Variants in GLIS3 observed in about 807,000 individuals in gnomAD.
GLIS3 encodes the protein GLIS family zinc finger 3.
GLIS3 carries 53 observed loss-of-function variants against 78.6 expected under a neutral mutation model. That is an observed-to-expected ratio of 0.67 (90% CI 0.54 to 0.85). The LOEUF is 0.85. Ranked by LOEUF, GLIS3 falls within the 40% of genes least tolerant of loss-of-function variation. The probability of loss-of-function intolerance (pLI) is 0.00; values close to 1 mark genes in which losing one functional copy is unlikely to be tolerated. For synonymous variants in GLIS3, 684 were observed against 509.9 expected, an observed-to-expected ratio of 1.34 and a Z score of -4.60; for missense variants, 1,703 against 1,231.1, an observed-to-expected ratio of 1.38 and a Z score of -5.74.
the GLIS3 span, among the ~76,000 whole-genome samples, chr9:4,412,252 G>A: frequency 4.6e-5 from 7 of 152,208 alleles, no homozygotes; most frequent in Non-Finnish European, 1.0e-4. Context: ...TAAGTTGCGA[G>A]AGGTGAACAA....
At chr9:4,100,368 A>G (rs1830274162) in intron 4 of GLIS3, among the ~76,000 whole-genome samples, 1 of 152,222 alleles carries the variant, frequency 6.6e-6, no homozygotes, top group Non-Finnish European at 1.5e-5. Context: ...CATGAGAGAG[A>G]GTATTTGTAT....
intron 6 of GLIS3, among the ~76,000 whole-genome samples, chr9:3,905,598 T>C (rs574582622): frequency 6.6e-6 from 1 of 152,238 alleles, no homozygotes; most frequent in East Asian, 1.9e-4. Flanking sequence ...TCATCATTCC[T>C]CACCATTTGC....
chr9:3,952,776 G>C (rs1303167655), intron 4 of GLIS3, among the ~76,000 whole-genome samples: 1 of 151,862 alleles, frequency 6.6e-6, no homozygotes, highest in Non-Finnish European at 1.5e-5. Context: ...AATCTCCTTG[G>C]GAGCTCCTTA....
intron 1 of GLIS3, among the ~76,000 whole-genome samples, chr9:4,297,271 GT>G (rs1816619922): frequency 6.6e-6 from 1 of 152,206 alleles, no homozygotes; most frequent in African/African-American, 2.4e-5. Context: ...TTGTCTTGAG[GT>G]CATCTTCGAG....
At chr9:4,352,962 T>C (rs961567953), upstream of GLIS3, among the ~76,000 whole-genome samples, 1 of 152,164 alleles carries the variant, frequency 6.6e-6, no homozygotes, top group Non-Finnish European at 1.5e-5. Flanking sequence ...AGATATAGGG[T>C]CCTCTCGCTC....
chr9:4,467,955 G>C, the GLIS3 span, among the ~76,000 whole-genome samples: 1 of 152,176 alleles, frequency 6.6e-6, no homozygotes, highest in Non-Finnish European at 1.5e-5. Context: ...TGACCTGATG[G>C]AGCTGAAATT....
the GLIS3 span, among the ~76,000 whole-genome samples, chr9:4,407,268 C>T: frequency 1.9e-4 from 29 of 152,356 alleles, no homozygotes; most frequent in East Asian, 7.7e-4. Context: ...AGACCCTTAT[C>T]TCTCACCATA....
At chr9:3,926,531 G>A (rs548430255) in intron 6 of GLIS3, among the ~76,000 whole-genome samples, 1 of 149,286 alleles carries the variant, frequency 6.7e-6, no homozygotes, top group African/African-American at 2.5e-5. Context: ...CACGCGGCCT[G>A]CAATGCTTTT....
upstream of GLIS3, among the ~76,000 whole-genome samples, chr9:4,301,011 T>C (rs1447730606): frequency 1.3e-5 from 2 of 152,114 alleles, no homozygotes; most frequent in African/African-American, 4.8e-5. Context: ...AATCAGGTAG[T>C]AGATGCTTTG....
At chr9:4,140,748 G>C (rs1333623090) in intron 2 of GLIS3, among the ~76,000 whole-genome samples, 1 of 151,386 alleles carries the variant, frequency 6.6e-6, no homozygotes, top group African/African-American at 2.4e-5. Context: ...GTGCTCCTTC[G>C]TCTCAAGAGA....
At chr9:4,353,733 T>C in the GLIS3 span, among the ~76,000 whole-genome samples, 1 of 152,200 alleles carries the variant, frequency 6.6e-6, no homozygotes, top group Non-Finnish European at 1.5e-5. Context: ...CCGTCGTTTT[T>C]CTGGGGGCCT....
chr9:3,949,861 C>G (rs976144171), intron 4 of GLIS3, among the ~76,000 whole-genome samples: 1 of 152,162 alleles, frequency 6.6e-6, no homozygotes, highest in African/African-American at 2.4e-5. Flanking sequence ...ATATAAGAAT[C>G]CAATCTGCGT....
intron 2 of GLIS3, among the ~76,000 whole-genome samples, chr9:4,248,827 C>A (rs1824066213): frequency 1.3e-5 from 2 of 152,150 alleles, no homozygotes; most frequent in Non-Finnish European, 2.9e-5. Context: ...ACTTGCATTT[C>A]TCTAATGACC....
chr9:4,464,426 G>A, the GLIS3 span, among the ~76,000 whole-genome samples: 11 of 150,422 alleles, frequency 7.3e-5, no homozygotes, highest in Non-Finnish European at 1.5e-5. Context: ...ACAGAGTCTT[G>A]CTCTGTCACC....
At chr9:4,464,970 G>A in the GLIS3 span, among the ~76,000 whole-genome samples, 56,351 of 152,076 alleles carry the variant, frequency 0.37, 10,920 homozygotes, top group Middle Eastern at 0.5. Context: ...ATTCCTCTAA[G>A]CAGACATATT....
intron 2 of GLIS3, chr9:4,152,171 A>C: frequency 1.0e-6 from 1 of 970,812 alleles, no homozygotes; most frequent in Non-Finnish European, 1.2e-6. Context: ...AACACCCTTC[A>C]ACCATAAAGG....
chr9:4,247,237 G>T (rs72690046), intron 2 of GLIS3, among the ~76,000 whole-genome samples: 2,542 of 152,272 alleles, frequency 0.017, 39 homozygotes, highest in Admixed American at 0.029. Flanking sequence ...TATGCTAACA[G>T]ACTCATCAAG....
intron 4 of GLIS3, among the ~76,000 whole-genome samples, chr9:4,050,281 G>C (rs1359050889): frequency 6.6e-6 from 1 of 152,182 alleles, no homozygotes; most frequent in Non-Finnish European, 1.5e-5. Context: ...AAAAGGGTGA[G>C]TTCATGTCCT....
At chr9:3,863,109 C>G (rs1025204956) in intron 8 of GLIS3, among the ~76,000 whole-genome samples, 1 of 152,086 alleles carries the variant, frequency 6.6e-6, no homozygotes, top group Non-Finnish European at 1.5e-5. Flanking sequence ...CTAAAAAAAC[C>G]CCGCAATGAT....
Sources: allele counts gnomAD v4.1 joint callset (sites outside exome capture counted in the v4.1 genomes callset), GRCh38; gene constraint gnomAD v4.1.1; transcripts MANE v1.5; gene names NCBI Gene and HGNC (gene_info 2026-07-23, HGNC 2026-07-21).